SLC14A2: variants seen among roughly 807,000 people sequenced by gnomAD.
SLC14A2 encodes the protein solute carrier family 14 member 2, also known as urea transporter 2.
SLC14A2 carries 91 observed loss-of-function variants against 104.6 expected under a neutral mutation model. The ratio of observed to expected loss-of-function variants is 0.87; its 90% CI spans 0.73 to 1.04. The LOEUF is 1.04. Among genes scored for constraint, SLC14A2 ranks in the 50% least tolerant of loss-of-function variants. The pLI is 0.00. For synonymous variants in SLC14A2, 476 were observed against 466.4 expected, an observed-to-expected ratio of 1.02 and a Z score of -0.27; for missense variants, 1,189 against 1,156.0, an observed-to-expected ratio of 1.03 and a Z score of -0.41.
chr18:45,290,057 C>T (rs1488924028), intron 1 of SLC14A2, among the ~76,000 whole-genome samples: 2 of 152,088 alleles, frequency 1.3e-5, no homozygotes, highest in African/African-American at 4.8e-5. Flanking sequence ...CTCTCATTGG[C>T]CTTTAAAAGT....
At chr18:45,208,580 C>T (rs1895336273), upstream of SLC14A2, among the ~76,000 whole-genome samples, 1 of 152,116 alleles carries the variant, frequency 6.6e-6, no homozygotes, top group Non-Finnish European at 1.5e-5. Flanking sequence ...AATGTGTGTG[C>T]CCTGGCTAGG....
At chr18:45,585,593 G>A (rs1462537933) in intron 2 of SLC14A2, among the ~76,000 whole-genome samples, 1 of 152,206 alleles carries the variant, frequency 6.6e-6, no homozygotes, top group African/African-American at 2.4e-5. Context: ...AGGCATACCT[G>A]AATTACCCAC....
intron 10 of SLC14A2, 108 bp from the exon 11 acceptor site, chr18:45,663,677 C>G: frequency 7.9e-7 from 1 of 1,265,040 alleles, no homozygotes. Context: ...TCAGGCTTCA[C>G]TGCTCTCTCC....
chr18:45,171,571 AGT>A, the SLC14A2 span, among the ~76,000 whole-genome samples: 1 of 152,152 alleles, frequency 6.6e-6, no homozygotes, highest in African/African-American at 2.4e-5. Context: ...TTTTATAAAA[AGT>A]GTATGGACTA....
intron 2 of SLC14A2, among the ~76,000 whole-genome samples, chr18:45,606,741 A>C (rs2044876080): frequency 1.4e-5 from 1 of 69,248 alleles, no homozygotes. Flanking sequence ...AATTAAAAAA[A>C]AAAAAACAAA....
At chr18:45,496,636 AG>A (rs1313000546) in intron 2 of SLC14A2, among the ~76,000 whole-genome samples, 1 of 152,246 alleles carries the variant, frequency 6.6e-6, no homozygotes, top group Admixed American at 6.5e-5. Flanking sequence ...AGCAAAAATT[AG>A]CCAGGCATGG....
the SLC14A2 span, among the ~76,000 whole-genome samples, chr18:45,169,365 G>T: frequency 6.6e-6 from 1 of 152,294 alleles, no homozygotes; most frequent in South Asian, 2.1e-4. Flanking sequence ...TGAGGCTACT[G>T]CATGTGCGCT....
intron 1 of SLC14A2, among the ~76,000 whole-genome samples, chr18:45,271,654 A>T (rs1369806430): frequency 6.6e-6 from 1 of 152,150 alleles, no homozygotes; most frequent in Non-Finnish European, 1.5e-5. Context: ...TGAAAAGAAC[A>T]CCAAAAAATG....
At chr18:45,219,113 T>C (rs1024057449) in intron 1 of SLC14A2, among the ~76,000 whole-genome samples, 1 of 152,218 alleles carries the variant, frequency 6.6e-6, no homozygotes, top group Non-Finnish European at 1.5e-5. Context: ...TTGTGATCCA[T>C]AGACAAATAA....
chr18:45,495,099 C>T (rs912223144), intron 2 of SLC14A2, among the ~76,000 whole-genome samples: 6 of 152,028 alleles, frequency 3.9e-5, no homozygotes, highest in Non-Finnish European at 7.4e-5. Context: ...TCTCTGCATA[C>T]GCTGCATCCT....
Position 45,274,441 on chromosome 18 carries a change from G to C in SLC14A2, c.-125+61250G>C, listed in dbSNP as rs182271500. On this transcript the variant is annotated intron_variant, in intron 1 of 20. Transcript: ENST00000586448. ...CATTGTTTGCCAAGGCCAAGACTCA[G>C]CTATAGATCTTTTTTTAATCTTTCC... Among the ~76,000 whole-genome samples, 4 of 152,252 alleles carry C rather than the reference G, an allele frequency of 2.6e-5. No homozygotes were observed. The East Asian group carries it at 5.8e-4, about 22-fold the overall frequency.
intron 1 of SLC14A2, among the ~76,000 whole-genome samples, chr18:45,322,446 C>T (rs908680855): frequency 6.6e-6 from 1 of 152,126 alleles, no homozygotes; most frequent in Non-Finnish European, 1.5e-5. Context: ...ACATCAACTC[C>T]GTGTATAAGA....
intron 1 of SLC14A2, among the ~76,000 whole-genome samples, chr18:45,234,325 A>G (rs1309655318): frequency 6.6e-6 from 1 of 152,192 alleles, no homozygotes; most frequent in Admixed American, 6.5e-5. Context: ...TTATCTTTCA[A>G]TGCATATAGT....
At chr18:45,668,125 C>A (rs1369417367) in intron 14 of SLC14A2, 103 bp downstream of exon 14, 3 of 1,224,492 alleles carry the variant, frequency 2.4e-6, no homozygotes, top group Non-Finnish European at 1.2e-6. Context: ...AATAAGGACA[C>A]TGACAACTAA....
intron 2 of SLC14A2, among the ~76,000 whole-genome samples, chr18:45,589,962 T>G (rs1039490124): frequency 6.6e-6 from 1 of 152,182 alleles, no homozygotes; most frequent in Non-Finnish European, 1.5e-5. Context: ...TGGGCTTTCT[T>G]GAGGTTTGGC....
chr18:45,360,132 T>C (rs945829739), intron 1 of SLC14A2, among the ~76,000 whole-genome samples: 16 of 152,180 alleles, frequency 1.1e-4, no homozygotes, highest in Admixed American at 9.2e-4. Flanking sequence ...TCTGATTGGT[T>C]TTTTATTTCT....
chr18:45,556,113 G>A (rs1025459843), intron 2 of SLC14A2, among the ~76,000 whole-genome samples: 11 of 152,138 alleles, frequency 7.2e-5, no homozygotes, highest in Non-Finnish European at 1.2e-4. Flanking sequence ...TTTTCTCCTC[G>A]TTACATGCTC....
At chr18:45,586,271 G>A (rs763356546) in intron 2 of SLC14A2, among the ~76,000 whole-genome samples, 9 of 152,136 alleles carry the variant, frequency 5.9e-5, no homozygotes, top group African/African-American at 9.7e-5. Flanking sequence ...TCCCACACCC[G>A]GAAACAATCA....
intron 1 of SLC14A2, among the ~76,000 whole-genome samples, chr18:45,414,753 AAAAAATATATATAT>A (rs1426416273): frequency 4.2e-4 from 27 of 64,004 alleles, no homozygotes; most frequent in Admixed American, 1.1e-3. Flanking sequence ...GTAAAAAAAA[AAAAAATATATATAT>A]ATATATATAT....
Sources: gnomAD v4.1 joint callset for allele counts (sites outside exome capture counted in the v4.1 genomes callset) on GRCh38, gnomAD v4.1.1 for gene constraint, MANE v1.5 for transcripts, NCBI Gene and HGNC (gene_info 2026-07-23, HGNC 2026-07-21) for gene names.